GRID2: variants seen among roughly 807,000 people sequenced by gnomAD.
GRID2 encodes glutamate receptor ionotropic, delta-2.
In GRID2, 33 loss-of-function variants were observed where a neutral mutation model predicts 114.8. The observed-to-expected ratio is 0.29, with a 90% confidence interval of 0.22 to 0.38. The LOEUF (loss-of-function observed/expected upper bound fraction) is 0.38, where lower values mean the gene tolerates loss of function less well. Among genes scored for constraint, GRID2 ranks in the 10% least tolerant of loss-of-function variants. The probability of loss-of-function intolerance (pLI) is 1.00; values close to 1 mark genes in which losing one functional copy is unlikely to be tolerated. For synonymous variants in GRID2, 505 were observed against 449.9 expected (o/e 1.12, Z -1.55); for missense variants, 1,184 against 1,257.7 (o/e 0.94, Z 0.89).
At chr4:93,528,071 T>C (rs1244932467) in intron 13 of GRID2, among the ~76,000 whole-genome samples, 1 of 152,094 alleles carries the variant, frequency 6.6e-6, no homozygotes, top group African/African-American at 2.4e-5. Flanking sequence ...TAATATTCTG[T>C]TGTGTATATG....
chr4:93,680,160 A>C (rs934492813), intron 14 of GRID2, among the ~76,000 whole-genome samples: 1 of 152,074 alleles, frequency 6.6e-6, no homozygotes, highest in African/African-American at 2.4e-5. Flanking sequence ...CTCTACACGA[A>C]TAAACTAGAA....
intron 13 of GRID2, among the ~76,000 whole-genome samples, chr4:93,533,244 CTCTTCCTTCCTTCCTTCCTTCCTTCCTT>C (rs1560722148): frequency 4.2e-5 from 6 of 142,446 alleles, no homozygotes; most frequent in Admixed American, 7.2e-5. Flanking sequence ...CTTTCTTTCT[CTCTTCCTTCCTTCCTTCCTTCCTTCCTT>C]CCTTCCTTCC....
chr4:93,604,145 G>A (rs1001435144), intron 13 of GRID2, among the ~76,000 whole-genome samples: 1 of 152,174 alleles, frequency 6.6e-6, no homozygotes, highest in Non-Finnish European at 1.5e-5. Flanking sequence ...CTTCTGGAAA[G>A]CATTCACCTT....
At chr4:93,063,004 G>A (rs6829572) in intron 2 of GRID2, among the ~76,000 whole-genome samples, 87,331 of 151,668 alleles carry the variant, frequency 0.58, 26,910 homozygotes, top group African/African-American at 0.78. Context: ...TTTAAAGAGA[G>A]CAAACTTATT....
At position 93,322,294 on chromosome 4, in the gene GRID2, G is replaced by T. The variant is rs544327325; in HGVS notation, c.1246-73313G>T. Among the ~76,000 whole-genome samples the T allele has an allele frequency of 1.5e-4, 23 of 152,182 alleles. No homozygotes were observed. In the South Asian group the frequency reaches 2.1e-3, roughly 14 times the overall value. On this transcript the variant is annotated intron_variant, in intron 8 of 15. Transcript: ENST00000282020. ...TCCCACCTATGAGTGAGAACATGTG[G>T]TGTTTGGTTTTCTGTCCTTGCAATA... is the stretch of plus-strand genomic sequence containing the variant.
chr4:92,636,142 C>T (rs965138728), intron 2 of GRID2, among the ~76,000 whole-genome samples: 1 of 151,894 alleles, frequency 6.6e-6, no homozygotes, highest in Non-Finnish European at 1.5e-5. Context: ...ACTGTTAGAA[C>T]CCTAGAGTTG....
At chr4:92,573,040 T>G (rs1727708802) in intron 1 of GRID2, among the ~76,000 whole-genome samples, 1 of 152,086 alleles carries the variant, frequency 6.6e-6, no homozygotes, top group Non-Finnish European at 1.5e-5. Flanking sequence ...TTCTTCCTGG[T>G]TCAGTCTTGG....
chr4:93,713,195 G>A (rs1166506083), intron 14 of GRID2, among the ~76,000 whole-genome samples: 3 of 152,098 alleles, frequency 2.0e-5, no homozygotes, highest in African/African-American at 7.2e-5. Context: ...GGAACAGAAT[G>A]TGTAATAATC....
intron 2 of GRID2, among the ~76,000 whole-genome samples, chr4:92,690,467 T>C (rs1180756970): frequency 2.0e-5 from 3 of 152,120 alleles, no homozygotes; most frequent in African/African-American, 7.2e-5. Flanking sequence ...TGAACACAGA[T>C]CACCATAACA....
intron 4 of GRID2, among the ~76,000 whole-genome samples, chr4:93,120,035 A>G (rs1403063605): frequency 6.6e-6 from 1 of 152,160 alleles, no homozygotes; most frequent in African/African-American, 2.4e-5. Context: ...GCAAATTGAA[A>G]CCACAGTGTG....
intron 8 of GRID2, among the ~76,000 whole-genome samples, chr4:93,343,592 A>C (rs1350397391): frequency 1.3e-5 from 2 of 152,168 alleles, no homozygotes; most frequent in Admixed American, 6.6e-5. Flanking sequence ...TAACATAAAA[A>C]GAAATCTTTC....
chr4:93,291,078 C>T (rs573977701), intron 8 of GRID2, among the ~76,000 whole-genome samples: 47 of 151,980 alleles, frequency 3.1e-4, no homozygotes, highest in Admixed American at 5.2e-4. Context: ...GGGGTTTCAC[C>T]GTGTTAGCCA....
At chr4:92,482,274 A>G (rs1579442675) in intron 1 of GRID2, among the ~76,000 whole-genome samples, 1 of 151,714 alleles carries the variant, frequency 6.6e-6, no homozygotes, top group Non-Finnish European at 1.5e-5. Context: ...TTGAGAACAC[A>G]TGGACATAAA....
chr4:93,662,259 A>G lies in GRID2; in HGVS notation c.2360+35824A>G, dbSNP rs1052354419. Among the ~76,000 whole-genome samples, 36 of 151,794 alleles carry G rather than the reference A, an allele frequency of 2.4e-4. 1 individual carries two copies. The highest frequency in any genetic ancestry group is 1.3e-4 in the Admixed American group (2 of 15,256). On this transcript the variant is annotated intron_variant, in intron 14 of 15. Transcript: ENST00000282020. ...TAAAGGCACACGCCCATCCCTGCCA[A>G]CTCTGGTTCTCTTCATCCCTCTTTC...
chr4:92,446,342 G>C (rs1181868746), intron 1 of GRID2, among the ~76,000 whole-genome samples: 1 of 152,178 alleles, frequency 6.6e-6, no homozygotes, highest in Non-Finnish European at 1.5e-5. Context: ...CTACCACAAG[G>C]TCTGACTCTG....
chr4:92,935,701 A>C lies in GRID2; in HGVS notation c.245-149294A>C, dbSNP rs1202227540. 9.5e-5 allele frequency among the ~76,000 whole-genome samples: 14 copies of C among 147,136 alleles called. 3 individuals carry two copies. Among genetic ancestry groups the C allele is most frequent in the Admixed American group, 4.4e-4 (6 of 13,584 alleles). ...ACATATACACCATGGAATACTATGC[A>C]GCCATAAAAAATGATGAGTTCATGT... On this transcript the variant is annotated intron_variant, in intron 2 of 15. Transcript: ENST00000282020.
intron 1 of GRID2, among the ~76,000 whole-genome samples, chr4:92,405,363 ATC>A (rs1449242491): frequency 1.3e-5 from 2 of 152,176 alleles, no homozygotes; most frequent in African/African-American, 2.4e-5. Flanking sequence ...TTTATTATAA[ATC>A]TCTGCTGTCT....
At chr4:92,711,189 G>A (rs529578264) in intron 2 of GRID2, among the ~76,000 whole-genome samples, 1 of 152,120 alleles carries the variant, frequency 6.6e-6, no homozygotes, top group South Asian at 2.1e-4. Flanking sequence ...ATTTTAAAAT[G>A]AAGTATGTAT....
intron 2 of GRID2, among the ~76,000 whole-genome samples, chr4:93,072,187 C>T (rs1009944491): frequency 6.6e-6 from 1 of 152,060 alleles, no homozygotes; most frequent in African/African-American, 2.4e-5. Context: ...CTATTAAACT[C>T]TAATTTTTTT....
Sources: gnomAD v4.1 joint callset for allele counts (sites outside exome capture counted in the v4.1 genomes callset) on GRCh38, gnomAD v4.1.1 for gene constraint, MANE v1.5 for transcripts, NCBI Gene and HGNC (gene_info 2026-07-23, HGNC 2026-07-21) for gene names.